ZNHIT6: variants seen among roughly 807,000 people sequenced by gnomAD.
The protein encoded by ZNHIT6 is zinc finger HIT-type containing 6.
Under a neutral mutation model 57.2 loss-of-function variants are expected in ZNHIT6, and 45 were observed. The observed-to-expected ratio is 0.79, with a 90% CI of 0.62 to 1.01. ZNHIT6 has a LOEUF of 1.01. Among genes scored for constraint, ZNHIT6 ranks in the 50% least tolerant of loss-of-function variants. The pLI, the probability that ZNHIT6 is intolerant of heterozygous loss-of-function variation, is 0.00. For synonymous variants in ZNHIT6, 188 were observed against 190.0 expected, an observed-to-expected ratio of 0.99 and a Z score of 0.09; for missense variants, 528 against 567.3, an observed-to-expected ratio of 0.93 and a Z score of 0.70.
intron 5 of ZNHIT6, among the ~76,000 whole-genome samples, chr1:85,682,152 C>G (rs893394413): frequency 6.7e-6 from 1 of 149,562 alleles, no homozygotes; most frequent in African/African-American, 2.5e-5. Flanking sequence ...GCTGGGACTA[C>G]AGGTGCTCGC....
intron 5 of ZNHIT6, among the ~76,000 whole-genome samples, chr1:85,682,181 T>TTC (rs1661898874): frequency 6.7e-6 from 1 of 150,042 alleles, no homozygotes; most frequent in Non-Finnish European, 1.5e-5. Flanking sequence ...CCGGCTAATT[T>TTC]TTTTTTTTTT....
intron 5 of ZNHIT6, among the ~76,000 whole-genome samples, chr1:85,692,705 T>C (rs1662253272): frequency 8.3e-6 from 1 of 120,540 alleles, no homozygotes; most frequent in Non-Finnish European, 1.8e-5. Flanking sequence ...CTTATATTTA[T>C]AGGATACCAT....
chr1:85,676,155 G>A (rs1314615973), intron 8 of ZNHIT6, among the ~76,000 whole-genome samples: 1 of 151,944 alleles, frequency 6.6e-6, no homozygotes, highest in East Asian at 1.9e-4. Flanking sequence ...TGACCAACAT[G>A]GAGAAACCCC....
In ZNHIT6 at chr1:85,706,422, G is replaced by A; in HGVS notation, c.722+20C>T. The A allele has an allele frequency of 6.2e-7, 1 of 1,613,338 alleles. No homozygotes were observed. Among genetic ancestry groups the A allele is most frequent in the Non-Finnish European group, 8.5e-7 (1 of 1,179,748 alleles). On this transcript the variant is annotated intron_variant, in intron 2 of 9. Transcript: ENST00000370574. ...GAAAGGTACAGATACAGGTTAAAAG[G>A]TAGGAAGTTACATGTATACCTGCAG...
chr1:85,672,417 T>A (rs2100667646), intron 8 of ZNHIT6, among the ~76,000 whole-genome samples: 1 of 152,298 alleles, frequency 6.6e-6, no homozygotes, highest in South Asian at 2.1e-4. Context: ...CTGCTCTGCA[T>A]ACATCTATAC....
Position 85,678,729 on chromosome 1 carries a change from C to T in ZNHIT6, c.1141G>A (p.Glu381Lys). The change falls in exon 7 of 10, where the codon GAA becomes AAA. Residue 381 changes from glutamate (E) to lysine (K), a missense_variant. By Grantham distance (56) the Glu-to-Lys change is moderately conservative (BLOSUM62 1). Transcript: ENST00000370574. ...TGACGAATTACAGGATCAGACTTTT[C>T]AGGATCAATGTAAGGTTTTAGGATT... ...NEILKPYIDP[E>K]KSDPVIRQRL... The T allele has an allele frequency of 6.3e-7, 1 of 1,591,872 alleles. No individual in the cohort carries two copies. The highest frequency in any genetic ancestry group is 8.6e-7 in the Non-Finnish European group (1 of 1,169,150).
chr1:85,688,615 C>T (rs1404696555), intron 5 of ZNHIT6, among the ~76,000 whole-genome samples: 1 of 152,166 alleles, frequency 6.6e-6, no homozygotes, highest in Non-Finnish European at 1.5e-5. Context: ...TCTATGCCTA[C>T]CCTCTAGGGG....
At chr1:85,703,378 G>A (rs972347959) in intron 4 of ZNHIT6, among the ~76,000 whole-genome samples, 2 of 152,124 alleles carry the variant, frequency 1.3e-5, no homozygotes, top group African/African-American at 4.8e-5. Flanking sequence ...GACTTAATCA[G>A]ATAACAAGTT....
At chr1:85,673,285 A>C (rs1355203813) in intron 8 of ZNHIT6, among the ~76,000 whole-genome samples, 1 of 152,232 alleles carries the variant, frequency 6.6e-6, no homozygotes, top group Non-Finnish European at 1.5e-5. Flanking sequence ...AAAAAGCTAT[A>C]ATAGCTTTTC....
intron 8 of ZNHIT6, among the ~76,000 whole-genome samples, chr1:85,666,691 A>C (rs1661380127): frequency 6.6e-6 from 1 of 152,196 alleles, no homozygotes; most frequent in Non-Finnish European, 1.5e-5. Context: ...AACTGCTTTA[A>C]CAAGAATACC....
chr1:85,684,846 A>G (rs961337607), intron 5 of ZNHIT6, among the ~76,000 whole-genome samples: 1 of 152,206 alleles, frequency 6.6e-6, no homozygotes, highest in African/African-American at 2.4e-5. Flanking sequence ...CAAATTGCAA[A>G]TTTTCGTATG....
intron 5 of ZNHIT6, among the ~76,000 whole-genome samples, chr1:85,686,602 A>T (rs1662044660): frequency 1.3e-5 from 2 of 152,144 alleles, no homozygotes; most frequent in Admixed American, 1.3e-4. Context: ...CCCAAAGAAC[A>T]CTAACGAGAG....
At chr1:85,702,341 G>T in intron 4 of ZNHIT6, 81 bp from the exon 5 acceptor site, 1 of 834,332 alleles carries the variant, frequency 1.2e-6, no homozygotes, top group Non-Finnish European at 1.9e-6. Context: ...TTCAATAATA[G>T]TTAAGATTTA....
In ZNHIT6 at chr1:85,652,316, G is replaced by T. The variant is rs1217370489; in HGVS notation, c.*1742C>A. 1 of 152,074 alleles carries T rather than the reference G, an allele frequency of 6.6e-6. No homozygotes were observed. The highest frequency in any genetic ancestry group is 1.5e-5 in the Non-Finnish European group (1 of 68,008). The allele number at this position is 152,074 out of a possible 1,614,324, so 9.4% of individuals were successfully genotyped here. A position where few individuals can be genotyped will look rare whatever the true frequency, so the allele number is the denominator to read the frequency against. On this transcript the variant is annotated 3_prime_UTR_variant, in exon 10 of 10. Coordinates refer to ENST00000370574, the MANE Select transcript of ZNHIT6 (RefSeq NM_017953.4). ...GTTTCACTCAATTCATCTATTTCTT[G>T]CTGGTTTCAAGAAGACACATTTCAC...
At position 85,667,961 on chromosome 1, in the gene ZNHIT6, A is replaced by AAAAAAAAAAAAAAAAAAAAATGTATATAT; in HGVS notation, c.1247+9274_1247+9275insATATATACATTTTTTTTTTTTTTTTTTTT. ...ACTCTCTCTTTCAAAAAAAAAAAAA[A>AAAAAAAAAAAAAAAAAAAAATGTATATAT]ATATATATATATATATATATATATG... On this transcript the variant is annotated intron_variant, in intron 8 of 9. Coordinates refer to ENST00000370574, the MANE Select transcript of ZNHIT6 (RefSeq NM_017953.4). Among the ~76,000 whole-genome samples, 19 of 18,200 alleles carry AAAAAAAAAAAAAAAAAAAAATGTATATAT rather than the reference A, an allele frequency of 1.0e-3. 5 individuals are homozygous for AAAAAAAAAAAAAAAAAAAAATGTATATAT. The highest frequency in any genetic ancestry group is 3.4e-3 in the African/African-American group (16 of 4,710). 11.9% of individuals were successfully genotyped at this position (18,200 alleles called of 152,430 possible).
At chr1:85,697,659 T>C (rs1442984378) in intron 5 of ZNHIT6, among the ~76,000 whole-genome samples, 2 of 152,350 alleles carry the variant, frequency 1.3e-5, no homozygotes, top group East Asian at 3.9e-4. Flanking sequence ...TTTCAGATTT[T>C]TCCAGGCACC....
intron 9 of ZNHIT6, among the ~76,000 whole-genome samples, chr1:85,654,856 A>G (rs1254738170): frequency 6.6e-6 from 1 of 152,214 alleles, no homozygotes; most frequent in East Asian, 1.9e-4. Context: ...GGTTATTTTG[A>G]GGCTTATAGC....
chr1:85,663,761 G>A (rs1432717604), intron 8 of ZNHIT6, among the ~76,000 whole-genome samples: 10 of 152,072 alleles, frequency 6.6e-5, no homozygotes, highest in African/African-American at 1.7e-4. Flanking sequence ...CTCAACATTC[G>A]CTTATCTGAA....
intron 5 of ZNHIT6, among the ~76,000 whole-genome samples, chr1:85,685,383 T>A (rs1661999442): frequency 6.6e-6 from 1 of 152,208 alleles, no homozygotes; most frequent in Non-Finnish European, 1.5e-5. Flanking sequence ...TATGTACTGA[T>A]GTAGAAAAAT....
Sources: gnomAD v4.1 joint callset for allele counts (sites outside exome capture counted in the v4.1 genomes callset) on GRCh38, gnomAD v4.1.1 for gene constraint, MANE v1.5 for transcripts, NCBI Gene and HGNC (gene_info 2026-07-23, HGNC 2026-07-21) for gene names.